The following SPATA22 variants were observed in gnomAD, a reference collection of about 807,000 sequenced individuals.
The protein encoded by SPATA22 is spermatogenesis-associated protein 22.
Under a neutral mutation model 47.8 loss-of-function variants are expected in SPATA22, and 29 were observed. The ratio of observed to expected loss-of-function variants is 0.61; its 90% CI spans 0.45 to 0.83. SPATA22 has a LOEUF of 0.83. SPATA22 is among the 40% of genes least tolerant of loss of function. The pLI is 0.00. For missense variants in SPATA22, 410 were observed against 421.7 expected (o/e 0.97, Z 0.24); for synonymous variants, 133 against 140.9 (o/e 0.94, Z 0.40).
intron 1 of SPATA22, chr17:3,489,312 G>T (rs147763700): frequency 6.2e-7 from 1 of 1,612,922 alleles, no homozygotes; most frequent in African/African-American, 1.3e-5. Context: ...GATTAAACAT[G>T]CTCTTGATTT....
chr17:3,511,902 G>C (rs1448274631), intron 1 of SPATA22: 2 of 152,176 alleles, frequency 1.3e-5, no homozygotes, highest in Non-Finnish European at 2.9e-5. Context: ...GCTCCATAGT[G>C]TGGAGCTTGG....
At chr17:3,462,269 ACT>A (rs1458918587) in intron 5 of SPATA22, among the ~76,000 whole-genome samples, 1 of 152,194 alleles carries the variant, frequency 6.6e-6, no homozygotes, top group African/African-American at 2.4e-5. Context: ...AAGCATAATC[ACT>A]GTGAAATTTA....
At chr17:3,511,279 GA>G (rs1166231443) in intron 1 of SPATA22, 1 of 152,140 alleles carries the variant, frequency 6.6e-6, no homozygotes, top group African/African-American at 2.4e-5. Flanking sequence ...AGACACCTGA[GA>G]AAATAGTCCT....
chr17:3,494,573 GAC>G (rs1376686295), intron 1 of SPATA22: 1 of 851,234 alleles, frequency 1.2e-6, no homozygotes. Flanking sequence ...GCTCTCATTA[GAC>G]ACTGAGTGTA....
intron 5 of SPATA22, among the ~76,000 whole-genome samples, chr17:3,455,653 A>G (rs1390938178): frequency 7.0e-6 from 1 of 143,010 alleles, no homozygotes; most frequent in Non-Finnish European, 1.5e-5. Flanking sequence ...CCATTGATCT[A>G]TATCTCTGTT....
chr17:3,440,118 A>G lies in SPATA22; in HGVS notation c.*29T>C. On this transcript the variant is annotated 3_prime_UTR_variant, in exon 9 of 9. Transcript: ENST00000572969. ...TAAGCAATAACAGAAAACTGCTATA[A>G]TTTATGCTAAACTTCCTTTTATCAC... 6.9e-7 allele frequency: 1 copy of G among 1,439,112 alleles called. No individual in the cohort carries two copies. The allele number at this position is 1,439,112 out of a possible 1,614,324, so 89.1% of individuals were successfully genotyped here. A position where few individuals can be genotyped will look rare whatever the true frequency, so the allele number is the denominator to read the frequency against.
rs2073443752 is a variant in SPATA22 at position 3,471,784 on chromosome 17, G to A, written c.-176C>T. On this transcript the variant is annotated 5_prime_UTR_variant, in exon 1 of 9. Coordinates refer to ENST00000572969, the MANE Select transcript of SPATA22 (RefSeq NM_001170698.2). ...CGTCCAGGCGGCCCCGTCAGCAACC[G>A]CCGCCCTTCCCGCCCGCGAAGAAAG... is the stretch of plus-strand genomic sequence containing the variant. The A allele has an allele frequency of 2.0e-6, 2 of 985,572 alleles. No homozygotes were observed. The highest frequency in any genetic ancestry group is 2.4e-6 in the Non-Finnish European group (2 of 830,026). The allele number at this position is 985,572 out of a possible 1,614,324, so 61.1% of individuals were successfully genotyped here.
chr17:3,489,382 C>A, intron 1 of SPATA22: 1 of 1,480,722 alleles, frequency 6.8e-7, no homozygotes, highest in African/African-American at 1.4e-5. Flanking sequence ...ACTTAACCAC[C>A]AAACATTTAA....
chr17:3,484,445 C>T (rs563334043), intron 1 of SPATA22, among the ~76,000 whole-genome samples: 2 of 152,250 alleles, frequency 1.3e-5, no homozygotes, highest in African/African-American at 4.8e-5. Flanking sequence ...GCAGGAAAGA[C>T]CTAACCCAGT....
In SPATA22 at chr17:3,490,071, A is replaced by T. The variant is rs1425470173; in HGVS notation, c.-73-20673T>A. Among the ~76,000 whole-genome samples, 2 of 152,238 alleles carry T rather than the reference A, an allele frequency of 1.3e-5. No individual in the cohort carries two copies. Among genetic ancestry groups the T allele is most frequent in the Non-Finnish European group, 2.9e-5 (2 of 68,040 alleles). On this transcript the variant is annotated intron_variant, in intron 1 of 8. Coordinates refer to the SPATA22 transcript ENST00000541913. The surrounding 1 kb of genome is among the most constrained non-coding windows in gnomAD (Gnocchi z 4.6). ...CAGTACACCAATTGGCTTTAAAATA[A>T]CAATAATAATCATCACCTTCTAGGA...
Position 3,494,037 on chromosome 17 carries a change from AT to A in SPATA22, c.-74+19374del, listed in dbSNP as rs5818896. Among the ~76,000 whole-genome samples the A allele has an allele frequency of 0.89, 122,180 of 137,260 alleles. 55,019 individuals are homozygous for A. Among genetic ancestry groups the A allele is most frequent in the Non-Finnish European group, 0.97 (60,586 of 62,328 alleles). The allele number at this position is 137,260 out of a possible 152,430, so 90.0% of individuals were successfully genotyped here. ...ACATTGTTAACTTCCCTTTTTCCAG[AT>A]TTTTTTTTTTTTTTTGAGACAGAGT... On this transcript the variant is annotated intron_variant, in intron 1 of 8. Coordinates refer to the SPATA22 transcript ENST00000541913.
chr17:3,489,848 C>A (rs928154706), intron 1 of SPATA22, among the ~76,000 whole-genome samples: 2 of 152,126 alleles, frequency 1.3e-5, no homozygotes, highest in South Asian at 2.1e-4. Flanking sequence ...TATTACCCAG[C>A]GATTCCACAT....
intron 1 of SPATA22, among the ~76,000 whole-genome samples, chr17:3,479,752 T>G (rs77803303): frequency 0.011 from 1,657 of 152,266 alleles, 30 homozygotes; most frequent in African/African-American, 0.037. Flanking sequence ...CTTCCTGATC[T>G]CATTCCAGGC....
intron 3 of SPATA22, among the ~76,000 whole-genome samples, chr17:3,464,708 C>T (rs1466459051): frequency 5.3e-5 from 8 of 149,928 alleles, no homozygotes; most frequent in African/African-American, 9.8e-5. Context: ...TCTGCCCAGC[C>T]GCCCCATCTG....
In SPATA22 at chr17:3,503,460, C is replaced by A. The variant is rs183331223; in HGVS notation, c.-74+9952G>T. 11 of 152,316 alleles carry A rather than the reference C, an allele frequency of 7.2e-5. No homozygotes were observed. The East Asian group carries it at 2.1e-3, about 29-fold the overall frequency. 9.4% of individuals were successfully genotyped at this position (152,316 alleles called of 1,614,324 possible). On this transcript the variant is annotated intron_variant, in intron 1 of 8. Coordinates refer to the SPATA22 transcript ENST00000541913. ...TTTGTACATAAGATTTACCAAGCTTCCTTCTCCTGCTGTGAATGTTCCGTT... is the reference window on the plus strand; with the variant it reads ...TTTGTACATAAGATTTACCAAGCTTACTTCTCCTGCTGTGAATGTTCCGTT...
In SPATA22 at chr17:3,443,174, G is replaced by A. The variant is rs375271004; in HGVS notation, c.900C>T (p.Ile300=). ...CAAAGAGTACTTTAAAAATACTCACGATTTCATAAAAGACACAAGGCAGAG... is the reference window on the plus strand; with the variant it reads ...CAAAGAGTACTTTAAAAATACTCACAATTTCATAAAAGACACAAGGCAGAG... ...KNTLPCVFYE[I]DRELPRLIRG... The change falls in exon 8 of 9, where the codon ATC becomes ATT. Residue 300 remains isoleucine, a splice_region_variant and synonymous_variant. Transcript: ENST00000572969. 32 of 1,599,744 alleles carry A rather than the reference G, an allele frequency of 2.0e-5. No individual in the cohort carries two copies. Among genetic ancestry groups the A allele is most frequent in the Middle Eastern group, 1.7e-4 (1 of 6,026 alleles).
intron 1 of SPATA22, among the ~76,000 whole-genome samples, chr17:3,491,704 T>C (rs1211144402): frequency 2.0e-5 from 3 of 151,658 alleles, no homozygotes; most frequent in Non-Finnish European, 4.4e-5. Flanking sequence ...GCCGAGTTCA[T>C]GCCACTGCAC....
intron 1 of SPATA22, among the ~76,000 whole-genome samples, chr17:3,471,075 A>T (rs1226114062): frequency 6.6e-6 from 1 of 151,814 alleles, no homozygotes; most frequent in Non-Finnish European, 1.5e-5. Context: ...GAATCACTTG[A>T]ACCCGGGAGG....
intron 3 of SPATA22, among the ~76,000 whole-genome samples, chr17:3,463,000 T>C (rs1325223611): frequency 1.3e-5 from 2 of 152,234 alleles, no homozygotes; most frequent in Non-Finnish European, 2.9e-5. Context: ...ATCTGTATCT[T>C]TTCTACAATC....
Sources: gnomAD v4.1 joint callset for allele counts (sites outside exome capture counted in the v4.1 genomes callset) on GRCh38, gnomAD v4.1.1 for gene constraint, Gnocchi (gnomAD v3.1) non-coding constraint, MANE v1.5 for transcripts, NCBI Gene and HGNC (gene_info 2026-07-23, HGNC 2026-07-21) for gene names.